The following SLC44A1 variants were observed in gnomAD, a reference collection of about 807,000 sequenced individuals.
SLC44A1 encodes choline transporter-like protein 1.
In SLC44A1, 26 loss-of-function variants were observed where a neutral mutation model predicts 79.3. The observed-to-expected ratio is 0.33, with a 90% CI of 0.24 to 0.46. SLC44A1 has a LOEUF of 0.46. Ranked by LOEUF, SLC44A1 falls within the 20% of genes least tolerant of loss-of-function variation. The pLI is 1.00. For missense variants in SLC44A1, 688 were observed against 798.1 expected (o/e 0.86, Z 1.66); for synonymous variants, 263 against 286.2 (o/e 0.92, Z 0.82).
rs114394140 is a variant in SLC44A1, at chr9:105,296,210, G to A, written c.37-3010G>A. 1.9e-3 allele frequency among the ~76,000 whole-genome samples: 282 copies of A among 152,150 alleles called. 1 individual carries two copies. The highest frequency in any genetic ancestry group is 6.4e-3 in the African/African-American group (264 of 41,526). On this transcript the variant is annotated intron_variant, in intron 1 of 15. Coordinates refer to ENST00000374720, the MANE Select transcript of SLC44A1 (RefSeq NM_080546.5). ...CTGTGAAGTAAGCCACCCCTCCTCC[G>A]CTAAGTGTTCCTTTGTCCAAGTGAG...
chr9:105,351,497 C>A (rs544188976), intron 5 of SLC44A1, among the ~76,000 whole-genome samples: 31 of 149,664 alleles, frequency 2.1e-4, no homozygotes, highest in South Asian at 6.3e-4. Flanking sequence ...TGTGCCACTG[C>A]ACTCCAGCCT....
intron 15 of SLC44A1, among the ~76,000 whole-genome samples, chr9:105,408,433 C>G (rs547353234): frequency 1.4e-5 from 2 of 143,166 alleles, no homozygotes; most frequent in African/African-American, 3.0e-5. Flanking sequence ...GTATTTGAGA[C>G]GGAGTCTTGC....
At position 105,429,174 on chromosome 9, in the gene SLC44A1, C is replaced by T. The variant is rs145579619; in HGVS notation, c.1951-9107C>T. ...CTCACAGGTAAGTGATACGCTTCCA[C>T]ATCCACAGGGCACACAATTCGTATC... On this transcript the variant is annotated intron_variant, in intron 15 of 15. Transcript: ENST00000374724. 2.1e-3 allele frequency among the ~76,000 whole-genome samples: 327 copies of T among 152,356 alleles called. 4 individuals carry two copies. The highest frequency in any genetic ancestry group is 7.5e-3 in the African/African-American group (310 of 41,578).
intron 15 of SLC44A1, among the ~76,000 whole-genome samples, chr9:105,388,805 G>A (rs1828692250): frequency 6.6e-6 from 1 of 152,182 alleles, no homozygotes; most frequent in South Asian, 2.1e-4. Context: ...GACACTGTAG[G>A]AACATGGGCC....
chr9:105,310,561 C>G (rs1463510819), intron 3 of SLC44A1, among the ~76,000 whole-genome samples: 2 of 152,130 alleles, frequency 1.3e-5, no homozygotes, highest in Admixed American at 1.3e-4. Context: ...AAGTATCTAA[C>G]TTGTTCTTCA....
At chr9:105,289,233 T>C (rs1588738771) in intron 1 of SLC44A1, among the ~76,000 whole-genome samples, 2 of 152,338 alleles carry the variant, frequency 1.3e-5, no homozygotes, top group Admixed American at 6.5e-5. Flanking sequence ...CGGTAACTAT[T>C]GGGGACATAG....
Position 105,358,390 on chromosome 9 carries a change from A to G in SLC44A1, c.717A>G (p.Val239=), listed in dbSNP as rs1042703808. Residue 239 remains valine, a synonymous_variant, in exon 7 of 16, where the codon GTA becomes GTG. Transcript: ENST00000374720. Reference sequence around the variant, plus strand: ...TGATAATCAGGTATATATCAAGAGTACTTGTGTGGATCTTAACGATTCTGG... The same window carrying G: ...TGATAATCAGGTATATATCAAGAGTGCTTGTGTGGATCTTAACGATTCTGG... ...LMVIIRYISR[V]LVWILTILVI... The G allele has an allele frequency of 2.5e-6, 4 of 1,602,476 alleles. No homozygotes were observed. Among genetic ancestry groups the G allele is most frequent in the Non-Finnish European group, 3.4e-6 (4 of 1,169,594 alleles).
intron 1 of SLC44A1, among the ~76,000 whole-genome samples, chr9:105,273,785 T>C (rs1181964136): frequency 6.6e-6 from 1 of 152,206 alleles, no homozygotes; most frequent in Non-Finnish European, 1.5e-5. Context: ...AATCACTGTT[T>C]TTGCTTTTTT....
At chr9:105,414,302 G>T (rs1009742108) in intron 15 of SLC44A1, among the ~76,000 whole-genome samples, 2 of 152,066 alleles carry the variant, frequency 1.3e-5, no homozygotes, top group African/African-American at 2.4e-5. Context: ...TGATCCGCCC[G>T]CCTCGGCCTC....
At chr9:105,428,893 T>C (rs1170498434) in intron 15 of SLC44A1, among the ~76,000 whole-genome samples, 1 of 152,032 alleles carries the variant, frequency 6.6e-6, no homozygotes, top group Non-Finnish European at 1.5e-5. Flanking sequence ...TTTAGTAGAG[T>C]CAGGGTTTCA....
intron 4 of SLC44A1, among the ~76,000 whole-genome samples, chr9:105,345,282 T>G (rs984019689): frequency 6.6e-6 from 1 of 152,168 alleles, no homozygotes; most frequent in South Asian, 2.1e-4. Context: ...TTGAATGGTA[T>G]AGGAAAACAG....
At chr9:105,265,815 C>T (rs991884907) in intron 1 of SLC44A1, among the ~76,000 whole-genome samples, 2 of 152,160 alleles carry the variant, frequency 1.3e-5, no homozygotes, top group African/African-American at 2.4e-5. Flanking sequence ...TTGGCATAGA[C>T]GTTTAGTGAT....
rs1449258513 is a variant in SLC44A1, at chr9:105,394,145, CAG to C, written c.*5090_*5091del. ...GCCAGCTTCCACCCCTGTACCCCCT[CAG>C]GGGCTAATGAACCCAAGTCAAAAGG... On this transcript the variant is annotated 3_prime_UTR_variant, in exon 16 of 16. Transcript: ENST00000374720. The C allele has an allele frequency of 1.0e-6, 1 of 985,292 alleles. No individual in the cohort carries two copies. The highest frequency in any genetic ancestry group is 1.7e-5 in the African/African-American group (1 of 57,226). 61.0% of individuals were successfully genotyped at this position (985,292 alleles called of 1,614,324 possible).
At chr9:105,326,925 G>A (rs971002469) in intron 3 of SLC44A1, among the ~76,000 whole-genome samples, 3 of 152,216 alleles carry the variant, frequency 2.0e-5, no homozygotes, top group Non-Finnish European at 2.9e-5. Flanking sequence ...CAGTTGGAAC[G>A]TCATCCTTGT....
chr9:105,427,030 G>T (rs1829331588), intron 15 of SLC44A1, among the ~76,000 whole-genome samples: 2 of 151,696 alleles, frequency 1.3e-5, no homozygotes, highest in African/African-American at 4.8e-5. Flanking sequence ...CCGCCTCCTA[G>T]GCTCAAGCAG....
At position 105,394,850 on chromosome 9, in the gene SLC44A1, C is replaced by T. The variant is rs886283955; in HGVS notation, c.*5794C>T. On this transcript the variant is annotated 3_prime_UTR_variant, in exon 16 of 16. Transcript: ENST00000374720. ...AGGTGTGTTCTGTTTTAGTGTTTTC[C>T]AGTCACCCACTAGAGCAGCTTCAGA... 4 of 985,222 alleles carry T rather than the reference C, an allele frequency of 4.1e-6. No individual in the cohort carries two copies. In the Admixed American group the frequency reaches 1.8e-4, roughly 45 times the overall value. 61.0% of individuals were successfully genotyped at this position (985,222 alleles called of 1,614,324 possible). A position where few individuals can be genotyped will look rare whatever the true frequency, so the allele number is the denominator to read the frequency against.
chr9:105,374,816 G>A (rs1208643706), intron 13 of SLC44A1, 81 bp downstream of exon 13: 5 of 1,205,436 alleles, frequency 4.1e-6, no homozygotes, highest in Non-Finnish European at 5.9e-6. Context: ...AAATATTCAG[G>A]CCACCAAAAA....
rs979029343 is a variant in SLC44A1, at chr9:105,395,980, G to A, written c.*6924G>A. The A allele has an allele frequency of 7.3e-5, 72 of 983,664 alleles. No homozygotes were observed. Among genetic ancestry groups the A allele is most frequent in the Non-Finnish European group, 8.1e-5 (67 of 829,614 alleles). The allele number at this position is 983,664 out of a possible 1,614,324, so 60.9% of individuals were successfully genotyped here. A position where few individuals can be genotyped will look rare whatever the true frequency, so the allele number is the denominator to read the frequency against. ...GGATAGCTTTGGGGGCTGGTGATTT[G>A]AAACAGGGACTATTAAGTAGATTTT... On this transcript the variant is annotated 3_prime_UTR_variant, in exon 16 of 16. Coordinates refer to ENST00000374720, the MANE Select transcript of SLC44A1 (RefSeq NM_080546.5).
intron 1 of SLC44A1, among the ~76,000 whole-genome samples, chr9:105,277,767 A>C (rs12686574): frequency 2.0e-5 from 3 of 152,182 alleles, no homozygotes; most frequent in Non-Finnish European, 4.4e-5. Flanking sequence ...CAAGTAGTGC[A>C]TGGGAAGTAC....
Sources: allele counts gnomAD v4.1 joint callset (sites outside exome capture counted in the v4.1 genomes callset), GRCh38; gene constraint gnomAD v4.1.1; transcripts MANE v1.5; gene names NCBI Gene and HGNC (gene_info 2026-07-23, HGNC 2026-07-21).